The following ARHGEF12 variants were observed in gnomAD, a reference collection of about 807,000 sequenced individuals.
ARHGEF12 encodes the protein Rho guanine nucleotide exchange factor 12, also known as KMT2A/ARHGEF12 fusion protein.
ARHGEF12 carries 66 observed loss-of-function variants against 211.2 expected under a neutral mutation model. The observed-to-expected ratio is 0.31, with a 90% CI of 0.26 to 0.38. ARHGEF12 has a LOEUF of 0.38. Ranked by LOEUF, ARHGEF12 falls within the 10% of genes least tolerant of loss-of-function variation. ARHGEF12 has a pLI of 1.00. For synonymous variants in ARHGEF12, 592 were observed against 638.4 expected (o/e 0.93, Z 1.09); for missense variants, 1,429 against 1,869.5 (o/e 0.76, Z 4.34).
At chr11:120,347,204 C>CTTTCTTTCTTTCTTTCTT (rs59764380) in intron 1 of ARHGEF12, among the ~76,000 whole-genome samples, 14 of 60,394 alleles carry the variant, frequency 2.3e-4, no homozygotes, top group Middle Eastern at 0.012. Context: ...TTCTTTCTTT[C>CTTTCTTTCTTTCTTTCTT]TCTTTCTTTT....
chr11:120,458,014 G>C, intron 24 of ARHGEF12, 66 bp from the exon 25 acceptor site: 1 of 1,518,208 alleles, frequency 6.6e-7, no homozygotes, highest in African/African-American at 1.4e-5. Flanking sequence ...GTAATATAAA[G>C]ATTTGTGCTG....
At chr11:120,463,537 A>C (rs1284961319) in intron 27 of ARHGEF12, 1 of 152,458 alleles carries the variant, frequency 6.6e-6, no homozygotes, top group East Asian at 1.9e-4. Flanking sequence ...AAAAAAAAAA[A>C]AAAAAAAAAC....
Position 120,399,800 on chromosome 11 carries a change from A to G in ARHGEF12, c.33-6318A>G, listed in dbSNP as rs531453116. Among the ~76,000 whole-genome samples the G allele has an allele frequency of 3.9e-5, 6 of 152,332 alleles. No homozygotes were observed. In the East Asian group the frequency reaches 1.2e-3, roughly 29 times the overall value. On this transcript the variant is annotated intron_variant, in intron 1 of 40. Coordinates refer to ENST00000397843, the MANE Select transcript of ARHGEF12 (RefSeq NM_015313.3). Reference sequence around the variant, plus strand: ...CTTAGGTTTTTTCAATAAAAAATGCAACCAAACTGCAAATGTACTGTGATT... The same window carrying G: ...CTTAGGTTTTTTCAATAAAAAATGCGACCAAACTGCAAATGTACTGTGATT...
rs778643424 is a variant in ARHGEF12, at chr11:120,428,085, T to C, written c.423T>C (p.Ala141=). 6 of 1,597,382 alleles carry C rather than the reference T, an allele frequency of 3.8e-6. No individual in the cohort carries two copies. In the African/African-American group the frequency reaches 8.1e-5, roughly 21 times the overall value. ...CACCCCAAGCTGGTTCCTATGTAGC[T>C]CTCACTGTTCAGGGACGCCCACCTG... ...VKLIKSGSYV[A]LTVQGRPPGS... Residue 141 remains alanine, a synonymous_variant, in exon 8 of 41, where the codon GCT becomes GCC. Coordinates refer to ENST00000397843, the MANE Select transcript of ARHGEF12 (RefSeq NM_015313.3).
rs1165222163 is a variant in ARHGEF12 at position 120,467,855 on chromosome 11, T to A, written c.2854+547T>A. Among the ~76,000 whole-genome samples, 4 of 152,296 alleles carry A rather than the reference T, an allele frequency of 2.6e-5. No homozygotes were observed. In the East Asian group the frequency reaches 5.8e-4, roughly 22 times the overall value. On this transcript the variant is annotated intron_variant, in intron 29 of 40. Transcript: ENST00000397843. ...ATCATAGACCAAGTCATGCTCACTG[T>A]CTGTTTTTGTAAATAAAGTTTTATT...
At chr11:120,337,776 T>C (rs1942399493) in intron 1 of ARHGEF12, 2 of 985,462 alleles carry the variant, frequency 2.0e-6, no homozygotes, top group Middle Eastern at 5.2e-4. Flanking sequence ...TGCACGGTGT[T>C]TAATTATTAT....
intron 33 of ARHGEF12, among the ~76,000 whole-genome samples, chr11:120,475,755 G>A (rs1469400754): frequency 6.6e-6 from 1 of 152,072 alleles, no homozygotes; most frequent in Non-Finnish European, 1.5e-5. Flanking sequence ...GGTTCTTTAT[G>A]TTCAAATCAT....
intron 22 of ARHGEF12, among the ~76,000 whole-genome samples, chr11:120,455,734 C>G (rs1309362632): frequency 6.6e-6 from 1 of 152,110 alleles, no homozygotes; most frequent in Non-Finnish European, 1.5e-5. Context: ...GATTGGAACA[C>G]AAGAACATCA....
Position 120,469,165 on chromosome 11 carries a change from C to G in ARHGEF12, c.2855-123C>G, listed in dbSNP as rs1028820236. The G allele has an allele frequency of 1.6e-5, 12 of 729,370 alleles. No individual in the cohort carries two copies. In the African/African-American group the frequency reaches 2.1e-4, roughly 13 times the overall value. 45.2% of individuals were successfully genotyped at this position (729,370 alleles called of 1,614,324 possible). The stretch of plus-strand genomic sequence containing the variant: ...CTCTGACAGAGGCTTTAAGCTGGTA[C>G]AAAAATCTTCAAGGTCTTAATATGC... On this transcript the variant is annotated intron_variant, in intron 29 of 40. Transcript: ENST00000397843.
intron 1 of ARHGEF12, among the ~76,000 whole-genome samples, chr11:120,351,797 T>G (rs1383480394): frequency 5.3e-5 from 8 of 152,124 alleles, no homozygotes; most frequent in African/African-American, 1.9e-4. Context: ...GAGTACATAT[T>G]AAGTACTGCT....
intron 1 of ARHGEF12, among the ~76,000 whole-genome samples, chr11:120,374,371 C>T (rs1211029175): frequency 6.6e-6 from 1 of 152,134 alleles, no homozygotes; most frequent in Non-Finnish European, 1.5e-5. Flanking sequence ...AAGAAACGTT[C>T]ATTCATTTTT....
chr11:120,400,080 C>G (rs913682567), intron 1 of ARHGEF12, among the ~76,000 whole-genome samples: 2 of 152,108 alleles, frequency 1.3e-5, no homozygotes, highest in Admixed American at 1.3e-4. Flanking sequence ...GTGTAGAAAG[C>G]AGCCTGTCCT....
chr11:120,421,733 G>A, intron 5 of ARHGEF12, 70 bp from the exon 6 acceptor site: 1 of 1,426,408 alleles, frequency 7.0e-7, no homozygotes, highest in Non-Finnish European at 9.9e-7. Context: ...TTGTTATACT[G>A]TCTCTCTGTC....
intron 1 of ARHGEF12, chr11:120,337,817 A>T (rs910726768): frequency 1.7e-5 from 17 of 985,470 alleles, no homozygotes; most frequent in Non-Finnish European, 1.8e-5. Context: ...TGACATTACC[A>T]GTAAATCACA....
At chr11:120,456,364 A>G (rs964981572) in intron 22 of ARHGEF12, among the ~76,000 whole-genome samples, 4 of 152,226 alleles carry the variant, frequency 2.6e-5, no homozygotes, top group Admixed American at 2.0e-4. Flanking sequence ...TAGACATGTC[A>G]TTTAAATTTA....
At chr11:120,453,123 T>C (rs912407582) in intron 22 of ARHGEF12, among the ~76,000 whole-genome samples, 1 of 152,070 alleles carries the variant, frequency 6.6e-6, no homozygotes, top group African/African-American at 2.4e-5. Context: ...GAAATATTAG[T>C]TTCTGTCTCA....
Position 120,440,768 on chromosome 11 carries a change from A to C in ARHGEF12, c.1092+547A>C, listed in dbSNP as rs190122837. On this transcript the variant is annotated intron_variant, in intron 13 of 40. Transcript: ENST00000397843. Reference sequence around the variant, plus strand: ...CAGAGTGACAAGACATGCTTGCCTTATTCCTGCTATTAGGGAGAAAACACT... The same window carrying C: ...CAGAGTGACAAGACATGCTTGCCTTCTTCCTGCTATTAGGGAGAAAACACT... Among the ~76,000 whole-genome samples, 30 of 152,260 alleles carry C rather than the reference A, an allele frequency of 2.0e-4. 2 individuals carry two copies. The East Asian group carries it at 5.6e-3, about 28-fold the overall frequency.
In ARHGEF12 at chr11:120,447,769, T is replaced by TCATG. The variant is rs758372707; in HGVS notation, c.1590-103_1590-100dup. The TCATG allele has an allele frequency of 1.9e-4, 139 of 732,204 alleles. No homozygotes were observed. The East Asian group carries it at 2.8e-3, about 15-fold the overall frequency. 45.4% of individuals were successfully genotyped at this position (732,204 alleles called of 1,614,324 possible). On this transcript the variant is annotated intron_variant, in intron 18 of 40. Transcript: ENST00000397843. ...AGGCGGAGGTTGCAGTGAGCCAGGA[T>TCATG]CATGCCATTGCACTCCAGCCTGGGT...
At chr11:120,430,393 T>C (rs1445741438) in intron 10 of ARHGEF12, among the ~76,000 whole-genome samples, 4 of 152,164 alleles carry the variant, frequency 2.6e-5, no homozygotes, top group African/African-American at 9.7e-5. Context: ...AAACCCAGTC[T>C]GAGGATTTAA....
Sources: gnomAD v4.1 joint callset for allele counts (sites outside exome capture counted in the v4.1 genomes callset) on GRCh38, gnomAD v4.1.1 for gene constraint, MANE v1.5 for transcripts, NCBI Gene and HGNC (gene_info 2026-07-23, HGNC 2026-07-21) for gene names.